Variants in NALF1 observed in about 807,000 individuals in gnomAD.
NALF1 encodes NALCN channel auxiliary factor 1, also known as family with sequence similarity 155 member A.
Under a neutral mutation model 48.4 loss-of-function variants are expected in NALF1, and 3 were observed. The ratio of observed to expected loss-of-function variants is 0.06; its 90% CI spans 0.03 to 0.16. The LOEUF is 0.16. NALF1 is among the 10% of genes least tolerant of loss of function. The pLI, the probability that NALF1 is intolerant of heterozygous loss-of-function variation, is 1.00. For synonymous variants in NALF1, 262 were observed against 245.7 expected (o/e 1.07, Z -0.62); for missense variants, 526 against 571.5 (o/e 0.92, Z 0.81).
chr13:107,756,558 A>G (rs1877102076), intron 1 of NALF1, among the ~76,000 whole-genome samples: 1 of 152,066 alleles, frequency 6.6e-6, no homozygotes, highest in Non-Finnish European at 1.5e-5. Context: ...GGACTGACAC[A>G]GCTTTCGTAT....
At chr13:107,432,291 C>A (rs1252988279) in intron 1 of NALF1, among the ~76,000 whole-genome samples, 1 of 152,164 alleles carries the variant, frequency 6.6e-6, no homozygotes, top group Non-Finnish European at 1.5e-5. Flanking sequence ...ATGATCCAAA[C>A]ACCTCCCACC....
At chr13:107,301,809 A>C (rs948189044) in intron 1 of NALF1, among the ~76,000 whole-genome samples, 2 of 152,234 alleles carry the variant, frequency 1.3e-5, no homozygotes, top group African/African-American at 4.8e-5. Context: ...AAAAACAATA[A>C]GAAAAACCCT....
intron 1 of NALF1, among the ~76,000 whole-genome samples, chr13:107,590,763 T>TG (rs1405043528): frequency 6.6e-6 from 1 of 152,006 alleles, no homozygotes; most frequent in African/African-American, 2.4e-5. Flanking sequence ...GTTGAGCCTG[T>TG]GTGTCATGTC....
intron 1 of NALF1, among the ~76,000 whole-genome samples, chr13:107,779,083 T>C (rs1877817381): frequency 6.6e-6 from 1 of 152,260 alleles, no homozygotes; most frequent in Non-Finnish European, 1.5e-5. Context: ...TTGAATATTT[T>C]GGCTGAATTA....
At chr13:107,452,375 T>C (rs1884756427) in intron 1 of NALF1, among the ~76,000 whole-genome samples, 1 of 152,252 alleles carries the variant, frequency 6.6e-6, no homozygotes, top group Admixed American at 6.5e-5. Context: ...CTTAAAATCA[T>C]GGTGAAAAGT....
intron 1 of NALF1, among the ~76,000 whole-genome samples, chr13:107,398,213 C>A (rs1430073138): frequency 6.6e-6 from 1 of 152,010 alleles, no homozygotes; most frequent in Non-Finnish European, 1.5e-5. Flanking sequence ...TACGTATTTT[C>A]TTATTATTTT....
chr13:107,536,833 T>C (rs1594116565), intron 1 of NALF1, among the ~76,000 whole-genome samples: 1 of 152,188 alleles, frequency 6.6e-6, no homozygotes, highest in East Asian at 1.9e-4. Context: ...CCAACCCAAA[T>C]GTCCATCAGT....
intron 1 of NALF1, among the ~76,000 whole-genome samples, chr13:107,719,808 C>T (rs1314288944): frequency 6.6e-6 from 1 of 152,130 alleles, no homozygotes; most frequent in East Asian, 1.9e-4. Flanking sequence ...CCTTCATTGC[C>T]TCTAACCCAA....
chr13:107,492,013 T>G (rs1013414044), intron 1 of NALF1, among the ~76,000 whole-genome samples: 2 of 151,526 alleles, frequency 1.3e-5, no homozygotes, highest in African/African-American at 4.9e-5. Flanking sequence ...ACGTGTTTCA[T>G]TTTTACAAGC....
At chr13:107,220,712 C>T (rs1010410829) in intron 1 of NALF1, among the ~76,000 whole-genome samples, 6 of 152,138 alleles carry the variant, frequency 3.9e-5, no homozygotes, top group African/African-American at 1.2e-4. Flanking sequence ...ATGAATCCCA[C>T]TGTGAATGCT....
At chr13:107,738,768 G>A (rs540674876) in intron 1 of NALF1, among the ~76,000 whole-genome samples, 1 of 152,020 alleles carries the variant, frequency 6.6e-6, no homozygotes, top group African/African-American at 2.4e-5. Context: ...CTGGGGTCAA[G>A]TGATTCTGCC....
intron 1 of NALF1, among the ~76,000 whole-genome samples, chr13:107,384,232 G>A (rs952747373): frequency 2.6e-5 from 4 of 152,026 alleles, no homozygotes; most frequent in African/African-American, 7.2e-5. Flanking sequence ...CAGAATGGGC[G>A]ACTGAGTGAG....
intron 2 of NALF1, among the ~76,000 whole-genome samples, chr13:107,175,009 G>A (rs577300036): frequency 1.4e-5 from 2 of 142,028 alleles, no homozygotes; most frequent in Non-Finnish European, 3.1e-5. Context: ...TCAGCCTCCC[G>A]AGTAGCTGGG....
intron 1 of NALF1, among the ~76,000 whole-genome samples, chr13:107,841,475 GA>G (rs1555329223): frequency 1.3e-5 from 2 of 151,474 alleles, no homozygotes; most frequent in East Asian, 1.9e-4. Flanking sequence ...TGTTTGAGGG[GA>G]AAAAAGGGGG....
intron 1 of NALF1, among the ~76,000 whole-genome samples, chr13:107,419,781 G>A (rs2139007825): frequency 6.6e-6 from 1 of 152,234 alleles, no homozygotes; most frequent in South Asian, 2.1e-4. Flanking sequence ...TGAACAAGTG[G>A]AATAAGCAAA....
At chr13:107,793,259 C>T (rs1878307488) in intron 1 of NALF1, among the ~76,000 whole-genome samples, 2 of 152,154 alleles carry the variant, frequency 1.3e-5, no homozygotes, top group African/African-American at 4.8e-5. Context: ...CATATTATGC[C>T]GCAATGCCAT....
chr13:107,781,433 T>C (rs558684983), intron 1 of NALF1, among the ~76,000 whole-genome samples: 2 of 152,262 alleles, frequency 1.3e-5, no homozygotes, highest in South Asian at 4.2e-4. Flanking sequence ...ATTTTGGATC[T>C]ATACAAAATA....
chr13:107,537,663 A>G (rs1377728103), intron 1 of NALF1, among the ~76,000 whole-genome samples: 1 of 152,122 alleles, frequency 6.6e-6, no homozygotes, highest in Non-Finnish European at 1.5e-5. Context: ...TTCACAGTCC[A>G]GACTCCAGGC....
intron 1 of NALF1, among the ~76,000 whole-genome samples, chr13:107,471,869 GA>G (rs963627300): frequency 1.6e-4 from 25 of 152,090 alleles, no homozygotes; most frequent in Non-Finnish European, 1.5e-4. Flanking sequence ...TATTTTCTTT[GA>G]AAATGGCAGA....
Sources: gnomAD v4.1 joint callset for allele counts (sites outside exome capture counted in the v4.1 genomes callset) on GRCh38, gnomAD v4.1.1 for gene constraint, MANE v1.5 for transcripts, NCBI Gene and HGNC (gene_info 2026-07-23, HGNC 2026-07-21) for gene names.